Variants in BRWD3 observed in about 807,000 individuals in gnomAD.
BRWD3 encodes bromodomain and WD repeat domain containing 3.
BRWD3 carries 10 observed loss-of-function variants against 149.7 expected under a neutral mutation model. The observed-to-expected ratio is 0.07, with a 90% CI of 0.04 to 0.11. BRWD3 has a LOEUF of 0.11. Among genes scored for constraint, BRWD3 ranks in the 10% least tolerant of loss-of-function variants. BRWD3 has a pLI of 1.00. For missense variants in BRWD3, 940 were observed against 1,373.2 expected, an observed-to-expected ratio of 0.68 and a Z score of 4.99; for synonymous variants, 504 against 456.7, an observed-to-expected ratio of 1.10 and a Z score of -1.32.
chrX:80,675,950 G>C lies in BRWD3; in HGVS notation c.*659C>G, dbSNP rs1473239881. The C allele has an allele frequency of 9.0e-6, 1 of 111,730 alleles. No individual in the cohort carries two copies. The highest frequency in any genetic ancestry group is 3.3e-5 in the African/African-American group (1 of 30,324). The allele number at this position is 111,730 out of a possible 1,213,427, so 9.2% of individuals were successfully genotyped here. On this transcript the variant is annotated 3_prime_UTR_variant, in exon 41 of 41. Coordinates refer to ENST00000373275, the MANE Select transcript of BRWD3 (RefSeq NM_153252.5). ...ACCAACCCTTTCTCACCTTTAACGT[G>C]AATTATGCAAATCAATGAAAAGCAT...
In BRWD3 at chrX:80,670,955, C is replaced by T. The variant is rs1363256301; in HGVS notation, c.*5654G>A. On this transcript the variant is annotated 3_prime_UTR_variant, in exon 41 of 41. Coordinates refer to ENST00000373275, the MANE Select transcript of BRWD3 (RefSeq NM_153252.5). Reference sequence around the variant, plus strand: ...CTTTGGCCAGCTTATTTATCTTGAACCTAGTGGAATGTTTGCCACTGGGAG... The same window carrying T: ...CTTTGGCCAGCTTATTTATCTTGAATCTAGTGGAATGTTTGCCACTGGGAG... 9.0e-6 allele frequency: 1 copy of T among 110,812 alleles called. No homozygotes were observed. Among genetic ancestry groups the T allele is most frequent in the Non-Finnish European group, 1.9e-5 (1 of 52,964 alleles). 9.1% of individuals were successfully genotyped at this position (110,812 alleles called of 1,213,427 possible). A position where few individuals can be genotyped will look rare whatever the true frequency, so the allele number is the denominator to read the frequency against.
At chrX:80,689,915 A>G in intron 32 of BRWD3, 52 bp downstream of exon 32, 5 of 1,178,130 alleles carry the variant, frequency 4.2e-6, no homozygotes, top group Non-Finnish European at 5.7e-6. Flanking sequence ...TTTAAAATTA[A>G]TTTTTTAAAA....
rs1418379224 is a variant in BRWD3 at position 80,722,680 on chromosome X, A to T, written c.1758T>A (p.Pro586=). ...TTCCATCAACATCCACCAAAAATGG[A>T]GGAGGCATGAGGTGAGGAGCTTGTT... The part of the protein sequence containing the change: ...QTQQAPHLMP[P]PFLVDVDGNP... The change falls in exon 17 of 41, where the codon CCT becomes CCA. Residue 586 remains proline (P), a synonymous_variant. Transcript: ENST00000373275. 51 of 1,207,990 alleles carry T rather than the reference A, an allele frequency of 4.2e-5. 1 individual carries two copies. In the Admixed American group the frequency reaches 9.6e-4, roughly 23 times the overall value.
At chrX:80,777,958 T>G (rs1457423157) in intron 6 of BRWD3, among the ~76,000 whole-genome samples, 1 of 111,189 alleles carries the variant, frequency 9.0e-6, no homozygotes, top group Non-Finnish European at 1.9e-5. Flanking sequence ...GCCTAAGTTT[T>G]AAATTTTAAT....
chrX:80,721,836 G>T (rs1205683620), intron 17 of BRWD3, among the ~76,000 whole-genome samples: 1 of 111,406 alleles, frequency 9.0e-6, no homozygotes, highest in Non-Finnish European at 1.9e-5. Context: ...ACCTCCAGCT[G>T]CGGGGTAGGG....
rs1000474281 is a variant in BRWD3, at chrX:80,785,200, T to A, written c.430+6654A>T. Among the ~76,000 whole-genome samples, 4 of 112,284 alleles carry A rather than the reference T, an allele frequency of 3.6e-5. No individual in the cohort carries two copies. In the East Asian group the frequency reaches 1.1e-3, roughly 31 times the overall value. On this transcript the variant is annotated intron_variant, in intron 6 of 40. Transcript: ENST00000373275. Reference sequence around the variant, plus strand: ...ACATATGCCTCAGAATTTCCTTGAGTGGCATTAAGTATTAACACTATTTTG... The same window carrying A: ...ACATATGCCTCAGAATTTCCTTGAGAGGCATTAAGTATTAACACTATTTTG...
At chrX:80,789,778 T>C (rs912703187) in intron 6 of BRWD3, among the ~76,000 whole-genome samples, 3 of 111,067 alleles carry the variant, frequency 2.7e-5, no homozygotes, top group Non-Finnish European at 5.7e-5. Flanking sequence ...CTTTTCCCCA[T>C]TTTTAAAAAG....
intron 22 of BRWD3, 101 bp downstream of exon 22, chrX:80,707,326 A>G: frequency 1.2e-6 from 1 of 819,587 alleles, no homozygotes; most frequent in East Asian, 3.4e-5. Flanking sequence ...TTCTACTATA[A>G]AACACTATTT....
chrX:80,684,249 AC>A, intron 36 of BRWD3, 87 bp from the exon 37 acceptor site: 1 of 840,786 alleles, frequency 1.2e-6, no homozygotes, highest in Non-Finnish European at 1.7e-6. Context: ...ACTACGATCC[AC>A]CATGAAATAA....
intron 38 of BRWD3, 94 bp from the exon 39 acceptor site, chrX:80,682,188 G>T: frequency 1.4e-6 from 1 of 720,084 alleles, no homozygotes; most frequent in Non-Finnish European, 2.1e-6. Flanking sequence ...ATCAAGGTCA[G>T]GTATTAGCTG....
At chrX:80,768,247 T>C (rs917594977) in intron 6 of BRWD3, among the ~76,000 whole-genome samples, 3 of 110,468 alleles carry the variant, frequency 2.7e-5, no homozygotes, top group African/African-American at 9.9e-5. Flanking sequence ...AAGATACTCC[T>C]TGAGAAAATC....
chrX:80,788,623 A>G (rs1008540573), intron 6 of BRWD3, among the ~76,000 whole-genome samples: 38 of 112,054 alleles, frequency 3.4e-4, no homozygotes, highest in African/African-American at 1.2e-3. Context: ...CAACAACTGT[A>G]CTACCTATTT....
intron 7 of BRWD3, among the ~76,000 whole-genome samples, 190 bp downstream of exon 7, chrX:80,745,379 T>C (rs2073577667): frequency 8.9e-6 from 1 of 112,143 alleles, no homozygotes; most frequent in African/African-American, 3.2e-5. Context: ...TCCAAGAAGA[T>C]AGTAAACATT....
chrX:80,796,010 T>G (rs2074235290), intron 4 of BRWD3, among the ~76,000 whole-genome samples: 1 of 111,140 alleles, frequency 9.0e-6, no homozygotes, highest in Non-Finnish European at 1.9e-5. Flanking sequence ...TTTTGTGTGT[T>G]TTTTTTTCAA....
rs1471469269 is a variant in BRWD3 at position 80,709,532 on chromosome X, G to C, written c.2371C>G (p.Arg791Gly). 1 of 1,209,690 alleles carries C rather than the reference G, an allele frequency of 8.3e-7. No individual in the cohort carries two copies. The highest frequency in any genetic ancestry group is 1.1e-6 in the Non-Finnish European group (1 of 894,008). ...GTTTGGTAAGTATGCTGACGTTTGC[G>C]CTGTGTCCTGCGTAAAGAACGCCCA... Reference protein sequence around the residue: ...SCGRSLRRTQRKRQHTYQTRS... With the variant: ...SCGRSLRRTQGKRQHTYQTRS... Residue 791 changes from arginine to glycine, a missense_variant, in exon 21 of 41, where the codon CGC (arginine) becomes GGC (glycine). By Grantham distance (125) the Arg-to-Gly change is moderately radical. Around this residue, in one of 6 missense-constraint regions of BRWD3, gnomAD observed 103 missense variants for 103.2 expected, o/e 1.00. Coordinates refer to ENST00000373275, the MANE Select transcript of BRWD3 (RefSeq NM_153252.5).
intron 6 of BRWD3, among the ~76,000 whole-genome samples, chrX:80,761,590 C>T (rs1336688035): frequency 9.1e-6 from 1 of 110,058 alleles, no homozygotes; most frequent in African/African-American, 3.3e-5. Context: ...GGCAAAGATG[C>T]CAAAAATTGT....
intron 18 of BRWD3, among the ~76,000 whole-genome samples, chrX:80,718,566 C>T (rs951177628): frequency 9.0e-6 from 1 of 111,506 alleles, no homozygotes. Flanking sequence ...GATTATCAGC[C>T]CACTTGTCAT....
chrX:80,744,037 T>C lies in BRWD3; in HGVS notation c.808A>G (p.Ile270Val). 8.3e-7 allele frequency: 1 copy of C among 1,206,250 alleles called. No homozygotes were observed. The highest frequency in any genetic ancestry group is 1.1e-6 in the Non-Finnish European group (1 of 890,697). The change falls in exon 8 of 41, where the codon ATA becomes GTA. Residue 270 changes from isoleucine (I) to valine (V), a missense_variant. By Grantham distance (29) the Ile-to-Val change is conservative. Coordinates refer to ENST00000373275, the MANE Select transcript of BRWD3 (RefSeq NM_153252.5). ...AATTTTATCACTTTTCTTACCTGTA[T>C]GGAAGTAATAGAAGCTGAATGGCCC... ...LQGHSASITS[I>V]QFCPSTKGTN...
At chrX:80,787,244 G>A (rs890434643) in intron 6 of BRWD3, among the ~76,000 whole-genome samples, 1 of 111,443 alleles carries the variant, frequency 9.0e-6, no homozygotes, top group South Asian at 3.7e-4. Flanking sequence ...GCTATACTAC[G>A]TTCCTGGATT....
Sources: allele counts gnomAD v4.1 joint callset (sites outside exome capture counted in the v4.1 genomes callset), GRCh38; gene constraint gnomAD v4.1.1; regional missense constraint gnomAD v4.1.1; transcripts MANE v1.5; gene names NCBI Gene and HGNC (gene_info 2026-07-23, HGNC 2026-07-21).